Variants in ADGB observed in about 807,000 individuals in gnomAD.
The protein encoded by ADGB is calpain-7-like protein.
ADGB carries 172 observed loss-of-function variants against 210.5 expected under a neutral mutation model. That is an observed-to-expected ratio of 0.82 (90% CI 0.72 to 0.93). The LOEUF is 0.93. Among genes scored for constraint, ADGB ranks in the 40% least tolerant of loss-of-function variants. ADGB has a pLI of 0.00. For missense variants in ADGB, 2,025 were observed against 1,964.8 expected, an observed-to-expected ratio of 1.03 and a Z score of -0.58; for synonymous variants, 658 against 662.7, an observed-to-expected ratio of 0.99 and a Z score of 0.11.
chr6:146,682,426 C>G (rs1035071443), intron 9 of ADGB, among the ~76,000 whole-genome samples: 5 of 152,056 alleles, frequency 3.3e-5, no homozygotes, highest in African/African-American at 1.2e-4. Context: ...CTCATAATTA[C>G]TGTACAAAAT....
chr6:146,807,992 GTTTT>G (rs369961809), intron 35 of ADGB, among the ~76,000 whole-genome samples: 1 of 103,162 alleles, frequency 9.7e-6, no homozygotes, highest in Non-Finnish European at 1.8e-5. Context: ...CTATGCTTCA[GTTTT>G]TTTTTTTTTT....
chr6:146,813,672 G>A (rs539579973), intron 35 of ADGB, among the ~76,000 whole-genome samples: 1 of 152,144 alleles, frequency 6.6e-6, no homozygotes, highest in South Asian at 2.1e-4. Flanking sequence ...TCAATGAATG[G>A]ATATTAAAAT....
intron 16 of ADGB, among the ~76,000 whole-genome samples, chr6:146,718,174 C>G (rs528150385): frequency 2.0e-5 from 3 of 152,086 alleles, no homozygotes; most frequent in Non-Finnish European, 4.4e-5. Flanking sequence ...TGGTGAAACC[C>G]CATCTCTGCT....
At chr6:146,813,662 T>C (rs1001719419) in intron 35 of ADGB, among the ~76,000 whole-genome samples, 9 of 152,168 alleles carry the variant, frequency 5.9e-5, no homozygotes, top group South Asian at 2.1e-4. Context: ...AATCAGTAAA[T>C]CAATGAATGG....
intron 11 of ADGB, among the ~76,000 whole-genome samples, 152 bp downstream of exon 11, chr6:146,691,442 A>ATATATATATATT (rs1491360806): frequency 1.8e-5 from 1 of 55,018 alleles, no homozygotes; most frequent in African/African-American, 1.8e-4. Context: ...ATATATATAT[A>ATATATATATATT]AAAATATATA....
chr6:146,685,046 C>T lies in ADGB; in HGVS notation c.1217-688C>T, dbSNP rs911572221. On this transcript the variant is annotated intron_variant, in intron 9 of 35. Transcript: ENST00000397944. ...AAATATAGTTAAATGTCAGTATGTA[C>T]GTTTGTAAAAAAATTTAATTAAATA... Among the ~76,000 whole-genome samples the T allele has an allele frequency of 4.6e-5, 7 of 151,856 alleles. No homozygotes were observed. In the East Asian group the frequency reaches 7.7e-4, roughly 17 times the overall value.
chr6:146,636,613 T>C (rs1775427069), intron 2 of ADGB, among the ~76,000 whole-genome samples: 1 of 151,390 alleles, frequency 6.6e-6, no homozygotes, highest in African/African-American at 2.4e-5. Context: ...AGAGTGTGAG[T>C]GTGTGGGTGT....
chr6:146,759,646 G>A (rs1777458856), intron 27 of ADGB, among the ~76,000 whole-genome samples: 2 of 151,632 alleles, frequency 1.3e-5, no homozygotes, highest in Admixed American at 1.3e-4. Flanking sequence ...ATGTGTACAT[G>A]CATATATATG....
chr6:146,709,047 G>C (rs1033553934), intron 13 of ADGB, among the ~76,000 whole-genome samples: 2 of 151,886 alleles, frequency 1.3e-5, no homozygotes, highest in Non-Finnish European at 2.9e-5. Flanking sequence ...TTCACCTCTA[G>C]AATTTCTGTT....
chr6:146,759,620 G>A (rs1420760279), intron 27 of ADGB, among the ~76,000 whole-genome samples: 1 of 151,762 alleles, frequency 6.6e-6, no homozygotes, highest in East Asian at 1.9e-4. Context: ...AATAACCTGT[G>A]TATCTAATTT....
intron 1 of ADGB, among the ~76,000 whole-genome samples, chr6:146,632,330 G>T (rs1300747601): frequency 1.3e-5 from 2 of 152,198 alleles, no homozygotes; most frequent in African/African-American, 4.8e-5. Flanking sequence ...TTCTTCAGCA[G>T]CCACTTTTCC....
At chr6:146,807,802 A>G (rs1778234884) in intron 35 of ADGB, 2 of 358,304 alleles carry the variant, frequency 5.6e-6, no homozygotes, top group Non-Finnish European at 9.9e-6. Context: ...TAGCTTCCAA[A>G]TATTTAAAAT....
chr6:146,603,398 G>A (rs956075271), intron 1 of ADGB, among the ~76,000 whole-genome samples: 15 of 152,138 alleles, frequency 9.9e-5, no homozygotes, highest in Non-Finnish European at 1.5e-4. Context: ...AAAAGAAGTC[G>A]TGCAGTTTAA....
chr6:146,788,038 T>C lies in ADGB; in HGVS notation c.4316-351T>C, dbSNP rs114035921. 4.9e-3 allele frequency among the ~76,000 whole-genome samples: 747 copies of C among 152,248 alleles called. 2 individuals carry two copies. The highest frequency in any genetic ancestry group is 0.017 in the African/African-American group (702 of 41,540). ...TCCCCCTGCAGAGAGGAACACCCTATCTATTATGAAGCATTGTCAGCATAG... is the reference window on the plus strand; with the variant it reads ...TCCCCCTGCAGAGAGGAACACCCTACCTATTATGAAGCATTGTCAGCATAG... On this transcript the variant is annotated intron_variant, in intron 32 of 35. Coordinates refer to ENST00000397944, the MANE Select transcript of ADGB (RefSeq NM_024694.4).
At chr6:146,786,724 C>T (rs796406587) in intron 32 of ADGB, among the ~76,000 whole-genome samples, 5 of 152,296 alleles carry the variant, frequency 3.3e-5, no homozygotes, top group African/African-American at 1.2e-4. Flanking sequence ...CAAGTACTCA[C>T]TCCTCTAATA....
chr6:146,815,266 T>G lies in ADGB; in HGVS notation c.*49T>G. On this transcript the variant is annotated 3_prime_UTR_variant, in exon 36 of 36. Coordinates refer to ENST00000397944, the MANE Select transcript of ADGB (RefSeq NM_024694.4). ...TGCTTCTGGAGAGAAAAAATCTATT[T>G]GTAATGATCTTTAACTGCCTGCTGT... 1 of 1,379,980 alleles carries G rather than the reference T, an allele frequency of 7.2e-7. No homozygotes were observed. Among genetic ancestry groups the G allele is most frequent in the South Asian group, 1.7e-5 (1 of 57,874 alleles). 85.5% of individuals were successfully genotyped at this position (1,379,980 alleles called of 1,614,324 possible).
chr6:146,623,848 T>C (rs566223883), intron 1 of ADGB, among the ~76,000 whole-genome samples: 8 of 152,030 alleles, frequency 5.3e-5, no homozygotes, highest in Admixed American at 3.9e-4. Flanking sequence ...CATAATTTTT[T>C]TTAGTTTGTT....
intron 33 of ADGB, among the ~76,000 whole-genome samples, chr6:146,797,920 CATAA>C (rs150096067): frequency 1.2e-4 from 18 of 146,192 alleles, no homozygotes; most frequent in Admixed American, 4.1e-4. Flanking sequence ...ATTGATAATA[CATAA>C]ATAAATAAAT....
intron 11 of ADGB, among the ~76,000 whole-genome samples, chr6:146,692,110 A>G (rs1379508587): frequency 6.6e-6 from 1 of 152,194 alleles, no homozygotes; most frequent in East Asian, 1.9e-4. Context: ...TAGTTGAATG[A>G]AAGGAAGAAT....
Sources: allele counts gnomAD v4.1 joint callset (sites outside exome capture counted in the v4.1 genomes callset), GRCh38; gene constraint gnomAD v4.1.1; transcripts MANE v1.5; gene names NCBI Gene and HGNC (gene_info 2026-07-23, HGNC 2026-07-21).